Variants in BCAP31 observed in about 807,000 individuals in gnomAD.
BCAP31 encodes B-cell receptor-associated protein 31.
For synonymous variants in BCAP31, 75 were observed against 80.9 expected, an observed-to-expected ratio of 0.93 and a Z score of 0.39; for missense variants, 124 against 193.0, an observed-to-expected ratio of 0.64 and a Z score of 2.12.
chrX:153,709,766 C>T (rs1375708341), intron 4 of BCAP31, among the ~76,000 whole-genome samples: 3 of 113,150 alleles, frequency 2.7e-5, no homozygotes, highest in African/African-American at 9.6e-5. Flanking sequence ...AAGCTGTCGC[C>T]GTCAGCCCGG....
intron 3 of BCAP31, among the ~76,000 whole-genome samples, chrX:153,716,478 C>A (rs1316570119): frequency 9.3e-6 from 1 of 107,390 alleles, no homozygotes; most frequent in Admixed American, 1.0e-4. Context: ...TGGTGGCTCA[C>A]GCCTGTAATC....
At chrX:153,701,016 G>A in intron 7 of BCAP31, 41 bp from the exon 8 acceptor site, 2 of 1,153,206 alleles carry the variant, frequency 1.7e-6, no homozygotes, top group Non-Finnish European at 2.4e-6. Flanking sequence ...GGTTGGCCGG[G>A]TCCACTCCTC....
intron 4 of BCAP31, among the ~76,000 whole-genome samples, chrX:153,706,014 A>G (rs1557048258): frequency 8.9e-6 from 1 of 111,875 alleles, no homozygotes; most frequent in African/African-American, 3.3e-5. Flanking sequence ...CAGGGCTTCC[A>G]AGATAGGCCA....
At chrX:153,706,336 T>C (rs1308595809) in intron 4 of BCAP31, among the ~76,000 whole-genome samples, 1 of 112,228 alleles carries the variant, frequency 8.9e-6, no homozygotes, top group Non-Finnish European at 1.9e-5. Context: ...GCCTCCTTCC[T>C]GGAGTCACCC....
At chrX:153,713,304 T>C (rs949415754) in intron 4 of BCAP31, among the ~76,000 whole-genome samples, 1 of 111,703 alleles carries the variant, frequency 9.0e-6, no homozygotes, top group Admixed American at 9.5e-5. Context: ...CACACCTAAC[T>C]ACACTGTTCT....
chrX:153,714,953 G>T (rs1365328196), intron 4 of BCAP31, among the ~76,000 whole-genome samples: 2 of 111,381 alleles, frequency 1.8e-5, no homozygotes, highest in Non-Finnish European at 3.8e-5. Flanking sequence ...GCTCAAATAG[G>T]CACTTCGTAG....
In BCAP31 at chrX:153,715,532, C is replaced by A. The variant is rs371422649; in HGVS notation, c.341+10G>T. 1 of 1,210,457 alleles carries A rather than the reference C, an allele frequency of 8.3e-7. No individual in the cohort carries two copies. Among genetic ancestry groups the A allele is most frequent in the Non-Finnish European group, 1.1e-6 (1 of 894,625 alleles). On this transcript the variant is annotated intron_variant, in intron 4 of 7. Transcript: ENST00000345046. ...TTTCACAGCACCTGCCCCCTCAACCCCCCACTCACAAGGACAGCAGCAAGG... is the reference window on the plus strand; with the variant it reads ...TTTCACAGCACCTGCCCCCTCAACCACCCACTCACAAGGACAGCAGCAAGG...
In BCAP31 at chrX:153,710,035, C is replaced by T. The variant is rs191519208; in HGVS notation, c.341+5507G>A. Among the ~76,000 whole-genome samples the T allele has an allele frequency of 8.2e-3, 927 of 112,507 alleles. 4 individuals carry two copies. Among genetic ancestry groups the T allele is most frequent in the Non-Finnish European group, 0.012 (639 of 53,221 alleles). ...GAGATTCACGAAGAGGAGGTGCCGG[C>T]TGGGCCGGCAGCTGGAGGGGGTGTT... On this transcript the variant is annotated intron_variant, in intron 4 of 7. Coordinates refer to ENST00000345046, the MANE Select transcript of BCAP31 (RefSeq NM_001256447.2).
chrX:153,719,736 A>G lies in BCAP31; in HGVS notation c.193+1136T>C, dbSNP rs782088092. 9.0e-5 allele frequency among the ~76,000 whole-genome samples: 10 copies of G among 111,500 alleles called. No individual in the cohort carries two copies. The Admixed American group carries it at 9.5e-4, about 11-fold the overall frequency. On this transcript the variant is annotated intron_variant, in intron 3 of 7. Coordinates refer to ENST00000345046, the MANE Select transcript of BCAP31 (RefSeq NM_001256447.2). ...CAAGCCAATACTTTGGAGCCCAAAC[A>G]GGGGGACATATCGATCACTTACCAC...
intron 4 of BCAP31, among the ~76,000 whole-genome samples, chrX:153,709,059 G>A: frequency 8.9e-6 from 1 of 112,013 alleles, no homozygotes; most frequent in Non-Finnish European, 1.9e-5. Flanking sequence ...CCTTCTTCTT[G>A]AGAACAAGTG....
chrX:153,724,067 G>T, intron 1 of BCAP31: 1 of 325,623 alleles, frequency 3.1e-6, no homozygotes, highest in Non-Finnish European at 5.9e-6. Context: ...CCTCCGACTT[G>T]GCCCCGGCCT....
At chrX:153,716,539 C>T (rs914649415) in intron 3 of BCAP31, among the ~76,000 whole-genome samples, 100 of 87,424 alleles carry the variant, frequency 1.1e-3, no homozygotes, top group African/African-American at 4.7e-3. Context: ...CCAACGAGTT[C>T]AAGACCAGCC....
rs188711606 is a variant in BCAP31, at chrX:153,706,934, C to T, written c.342-2840G>A. Among the ~76,000 whole-genome samples, 21 of 112,187 alleles carry T rather than the reference C, an allele frequency of 1.9e-4. No homozygotes were observed. The South Asian group carries it at 3.7e-3, about 20-fold the overall frequency. On this transcript the variant is annotated intron_variant, in intron 4 of 7. Coordinates refer to ENST00000345046, the MANE Select transcript of BCAP31 (RefSeq NM_001256447.2). ...TCCACCTCCCAGAGCAAGGCAAATCCGACCATGTCAGCCCTCTGCTTAAGC... is the reference window on the plus strand; with the variant it reads ...TCCACCTCCCAGAGCAAGGCAAATCTGACCATGTCAGCCCTCTGCTTAAGC...
chrX:153,712,075 G>A (rs2091595367), intron 4 of BCAP31, among the ~76,000 whole-genome samples: 1 of 111,403 alleles, frequency 9.0e-6, no homozygotes, highest in African/African-American at 3.3e-5. Context: ...AAACAGAGCT[G>A]CAGGCTCGAC....
chrX:153,720,747 C>T (rs2091659333), intron 3 of BCAP31, 125 bp downstream of exon 3: 1 of 565,333 alleles, frequency 1.8e-6, no homozygotes, highest in Non-Finnish European at 2.9e-6. Flanking sequence ...GAGAAAGACA[C>T]AGCATTTCAT....
rs782787243 is a variant in BCAP31, at chrX:153,720,927, G to A, written c.138C>T (p.Ser46=). ...FKSRLVELLV[S]YGNTFFVVLI... ...GAACCACAAAGAAGGTGTTGCCATA[G>A]GACACTAACAACTCCACCAGCCGGG... Residue 46 remains serine, a synonymous_variant, in exon 3 of 8, where the codon TCC becomes TCT. Coordinates refer to ENST00000345046, the MANE Select transcript of BCAP31 (RefSeq NM_001256447.2). The A allele has an allele frequency of 8.3e-7, 1 of 1,211,807 alleles. No individual in the cohort carries two copies. The highest frequency in any genetic ancestry group is 1.8e-5 in the South Asian group (1 of 56,993).
chrX:153,719,184 CT>C (rs2091648686), intron 3 of BCAP31, among the ~76,000 whole-genome samples: 1 of 111,691 alleles, frequency 9.0e-6, no homozygotes, highest in South Asian at 3.8e-4. Flanking sequence ...AAACATACTC[CT>C]TCTGGTTTGG....
intron 7 of BCAP31, among the ~76,000 whole-genome samples, chrX:153,701,564 G>A (rs781964805): frequency 1.8e-5 from 2 of 113,044 alleles, no homozygotes; most frequent in Admixed American, 9.2e-5. Context: ...AGGGCAGCAG[G>A]TGATGGCCAC....
chrX:153,702,169 A>AC (rs1466009731), intron 6 of BCAP31, 62 bp from the exon 7 acceptor site: 9 of 986,556 alleles, frequency 9.1e-6, no homozygotes, highest in Admixed American at 4.9e-5. Flanking sequence ...GGGGGAAAAA[A>AC]CCCGACTGCT....
Sources: allele counts gnomAD v4.1 joint callset (sites outside exome capture counted in the v4.1 genomes callset), GRCh38; gene constraint gnomAD v4.1.1; transcripts MANE v1.5; gene names NCBI Gene and HGNC (gene_info 2026-07-23, HGNC 2026-07-21).